LRRIQ3: variants seen among roughly 807,000 people sequenced by gnomAD.
LRRIQ3 encodes leucine rich repeats and IQ motif containing 3.
LRRIQ3 carries 75 observed loss-of-function variants against 59.3 expected under a neutral mutation model. The observed-to-expected ratio is 1.26, with a 90% CI of 1.05 to 1.53. The LOEUF (loss-of-function observed/expected upper bound fraction) is 1.53, where lower values mean the gene tolerates loss of function less well. LRRIQ3 is among the 40% of genes most tolerant of loss of function. The pLI is 0.00. For synonymous variants in LRRIQ3, 250 were observed against 231.3 expected, an observed-to-expected ratio of 1.08 and a Z score of -0.73; for missense variants, 831 against 710.0, an observed-to-expected ratio of 1.17 and a Z score of -1.94.
At chr1:74,089,137 T>C (rs978380698) in intron 5 of LRRIQ3, among the ~76,000 whole-genome samples, 1 of 152,092 alleles carries the variant, frequency 6.6e-6, no homozygotes, top group African/African-American at 2.4e-5. Context: ...AGAACAGTTA[T>C]AATCATAAAG....
intron 3 of LRRIQ3, among the ~76,000 whole-genome samples, chr1:74,172,543 T>C (rs1256238378): frequency 2.0e-5 from 3 of 152,186 alleles, no homozygotes; most frequent in African/African-American, 7.2e-5. Flanking sequence ...TTGAAAGGAA[T>C]GTATATTATA....
chr1:74,031,083 A>G (rs1387797867), intron 7 of LRRIQ3, among the ~76,000 whole-genome samples: 4 of 152,212 alleles, frequency 2.6e-5, no homozygotes, highest in Admixed American at 6.5e-5. Context: ...CACCAGTTAG[A>G]ATGGCGATCA....
intron 4 of LRRIQ3, among the ~76,000 whole-genome samples, chr1:74,114,967 C>T (rs1307899011): frequency 6.6e-6 from 1 of 151,896 alleles, no homozygotes; most frequent in African/African-American, 2.4e-5. Flanking sequence ...ATTAATTTTA[C>T]ATGGCTCCTA....
chr1:74,125,289 T>C (rs1467058286), intron 4 of LRRIQ3, among the ~76,000 whole-genome samples: 1 of 152,020 alleles, frequency 6.6e-6, no homozygotes, highest in Non-Finnish European at 1.5e-5. Flanking sequence ...TATAAGATTA[T>C]ACCATCTGCA....
At chr1:74,117,104 C>T (rs921979326) in intron 4 of LRRIQ3, among the ~76,000 whole-genome samples, 4 of 152,020 alleles carry the variant, frequency 2.6e-5, no homozygotes, top group African/African-American at 9.7e-5. Flanking sequence ...CTATCATTTT[C>T]AGAACATTTG....
intron 3 of LRRIQ3, chr1:74,182,261 A>G (rs1370783438): frequency 5.5e-6 from 1 of 183,316 alleles, no homozygotes; most frequent in African/African-American, 2.3e-5. Context: ...TCATATACCA[A>G]ATTCTGAATA....
At chr1:74,155,115 C>T (rs1185532800) in intron 4 of LRRIQ3, among the ~76,000 whole-genome samples, 1 of 152,150 alleles carries the variant, frequency 6.6e-6, no homozygotes, top group Non-Finnish European at 1.5e-5. Context: ...ATCTATATTT[C>T]AGGGCCAAAT....
At chr1:74,134,627 G>A (rs1396177632) in intron 4 of LRRIQ3, among the ~76,000 whole-genome samples, 1 of 151,606 alleles carries the variant, frequency 6.6e-6, no homozygotes, top group Non-Finnish European at 1.5e-5. Flanking sequence ...GAAGGTAGAG[G>A]GATTTAAGTT....
chr1:74,149,279 C>A (rs1209007848), intron 4 of LRRIQ3, among the ~76,000 whole-genome samples: 1 of 152,094 alleles, frequency 6.6e-6, no homozygotes, highest in Non-Finnish European at 1.5e-5. Flanking sequence ...TGTATAGAAT[C>A]ATGCATCAGT....
intron 7 of LRRIQ3, among the ~76,000 whole-genome samples, chr1:74,029,145 T>C (rs1422090831): frequency 6.6e-6 from 1 of 152,112 alleles, no homozygotes; most frequent in East Asian, 1.9e-4. Flanking sequence ...AGATATACAA[T>C]CACGTCATCT....
intron 6 of LRRIQ3, among the ~76,000 whole-genome samples, chr1:74,043,852 G>C (rs1022909133): frequency 6.6e-6 from 1 of 151,994 alleles, no homozygotes; most frequent in Non-Finnish European, 1.5e-5. Flanking sequence ...TACCAGAAAA[G>C]AGCGACATAT....
chr1:74,044,407 A>G (rs1313606554), intron 6 of LRRIQ3, among the ~76,000 whole-genome samples: 2 of 152,044 alleles, frequency 1.3e-5, no homozygotes, highest in Non-Finnish European at 2.9e-5. Flanking sequence ...CTAGTTGTTT[A>G]AAAAAGTCTG....
At chr1:74,129,967 C>A (rs1478420358) in intron 4 of LRRIQ3, among the ~76,000 whole-genome samples, 1 of 149,494 alleles carries the variant, frequency 6.7e-6, no homozygotes, top group Non-Finnish European at 1.5e-5. Context: ...AGTTGCCCCC[C>A]CACCAAAAAA....
chr1:74,196,946 C>T (rs1651200608), intron 1 of LRRIQ3, among the ~76,000 whole-genome samples: 1 of 152,236 alleles, frequency 6.6e-6, no homozygotes, highest in Non-Finnish European at 1.5e-5. Flanking sequence ...CCTGCAATGG[C>T]TTTGTTTCCC....
At chr1:74,172,414 A>T (rs996038668) in intron 3 of LRRIQ3, among the ~76,000 whole-genome samples, 1 of 152,110 alleles carries the variant, frequency 6.6e-6, no homozygotes, top group Non-Finnish European at 1.5e-5. Context: ...TTTGTTAATG[A>T]TATCTAGTTT....
At chr1:74,110,514 A>G (rs566913449) in intron 4 of LRRIQ3, among the ~76,000 whole-genome samples, 33 of 152,206 alleles carry the variant, frequency 2.2e-4, no homozygotes, top group African/African-American at 7.9e-4. Flanking sequence ...TTTGTAAAAC[A>G]GGATCAAAAG....
At chr1:74,148,041 A>T (rs67802179) in intron 4 of LRRIQ3, among the ~76,000 whole-genome samples, 49,509 of 151,806 alleles carry the variant, frequency 0.33, 9,928 homozygotes, top group East Asian at 0.77. Context: ...CATTAAAAAA[A>T]TTTTTCAGCC....
rs79130396 is a variant in LRRIQ3 at position 74,134,328 on chromosome 1, C to T, written c.707+21405G>A. Among the ~76,000 whole-genome samples the T allele has an allele frequency of 7.7e-3, 1,168 of 152,092 alleles. 12 individuals carry two copies. Among genetic ancestry groups the T allele is most frequent in the African/African-American group, 0.027 (1,120 of 41,524 alleles). ...TGTAGCATTTTAGCCTGGTGCTGCTCCTGCTACCAATAGCCCCCCATAACC... is the reference window on the plus strand; with the variant it reads ...TGTAGCATTTTAGCCTGGTGCTGCTTCTGCTACCAATAGCCCCCCATAACC... On this transcript the variant is annotated intron_variant, in intron 4 of 7. Transcript: ENST00000354431.
rs182437834 is a variant in LRRIQ3 at position 74,190,375 on chromosome 1, T to C, written c.1-6691A>G. On this transcript the variant is annotated intron_variant, in intron 1 of 7. Coordinates refer to ENST00000354431, the MANE Select transcript of LRRIQ3 (RefSeq NM_001105659.2). ...AAAACATTATAACAGAAATGAAGAATACCTTTGAAGGGCTCATTAGTAGAT... is the reference window on the plus strand; with the variant it reads ...AAAACATTATAACAGAAATGAAGAACACCTTTGAAGGGCTCATTAGTAGAT... 2.0e-3 allele frequency among the ~76,000 whole-genome samples: 297 copies of C among 151,796 alleles called. 1 individual carries two copies. Among genetic ancestry groups the C allele is most frequent in the African/African-American group, 6.6e-3 (275 of 41,388 alleles).
Sources: allele counts gnomAD v4.1 joint callset (sites outside exome capture counted in the v4.1 genomes callset), GRCh38; gene constraint gnomAD v4.1.1; transcripts MANE v1.5; gene names NCBI Gene and HGNC (gene_info 2026-07-23, HGNC 2026-07-21).